Variants in ZNF410 observed in about 807,000 individuals in gnomAD.
The protein encoded by ZNF410 is zinc finger protein 410, also known as another partner for ARF 1.
Under a neutral mutation model 54.8 loss-of-function variants are expected in ZNF410, and 18 were observed. That is an observed-to-expected ratio of 0.33 (90% CI 0.23 to 0.49). The LOEUF (loss-of-function observed/expected upper bound fraction) is 0.49, where lower values mean the gene tolerates loss of function less well. ZNF410 is among the 20% of genes least tolerant of loss of function. The pLI, the probability that ZNF410 is intolerant of heterozygous loss-of-function variation, is 0.99. For synonymous variants in ZNF410, 191 were observed against 207.3 expected, an observed-to-expected ratio of 0.92 and a Z score of 0.68; for missense variants, 405 against 569.6, an observed-to-expected ratio of 0.71 and a Z score of 2.94.
At chr14:73,925,340 G>T (rs1216245705) in intron 11 of ZNF410, among the ~76,000 whole-genome samples, 2 of 151,900 alleles carry the variant, frequency 1.3e-5, no homozygotes, top group Non-Finnish European at 2.9e-5. Flanking sequence ...GAAATTTTCA[G>T]AGTACAGTGA....
chr14:73,894,040 T>G (rs943997362), intron 3 of ZNF410, 108 bp downstream of exon 3: 1 of 1,416,406 alleles, frequency 7.1e-7, no homozygotes, highest in Non-Finnish European at 9.5e-7. Flanking sequence ...TGGTGGAAAC[T>G]GTAAAAATTA....
intron 11 of ZNF410, chr14:73,924,961 G>T (rs2140328294): frequency 3.6e-6 from 1 of 277,376 alleles, no homozygotes; most frequent in Non-Finnish European, 7.1e-6. Context: ...ACAGGCGTGA[G>T]CCACTGCACC....
chr14:73,918,792 C>T lies in ZNF410; in HGVS notation c.1004-2188C>T, dbSNP rs138908280. 7.1e-3 allele frequency among the ~76,000 whole-genome samples: 1,013 copies of T among 142,324 alleles called. 7 individuals are homozygous for T. The highest frequency in any genetic ancestry group is 0.026 in the African/African-American group (990 of 38,336). 93.4% of individuals were successfully genotyped at this position (142,324 alleles called of 152,430 possible). A position where few individuals can be genotyped will look rare whatever the true frequency, so the allele number is the denominator to read the frequency against. On this transcript the variant is annotated intron_variant, in intron 8 of 11. Coordinates refer to ENST00000555044, the MANE Select transcript of ZNF410 (RefSeq NM_021188.3). ...CGGCTCACTGCAAGCTCTGCCTCCT[C>T]GGTTCACGCCATTCTTCTGCCTCAG...
chr14:73,888,229 G>C (rs1220389323), intron 1 of ZNF410: 1 of 152,122 alleles, frequency 6.6e-6, no homozygotes, highest in Non-Finnish European at 1.5e-5. Context: ...AAGAAGAACA[G>C]GTTTGGTAAG....
chr14:73,909,997 A>G (rs527861436), intron 8 of ZNF410, among the ~76,000 whole-genome samples: 14 of 152,256 alleles, frequency 9.2e-5, no homozygotes, highest in African/African-American at 3.1e-4. Flanking sequence ...ATTCCCTGCA[A>G]TTCTGTCAGT....
In ZNF410 at chr14:73,923,468, G is replaced by A. The variant is rs774125490; in HGVS notation, c.1344G>A (p.Gln448=). ...PDVTHHLVTM[Q]SGRQSYEVSV... ...TGACACATCACCTGGTGACCATGCA[G>A]TCAGGGAGGCAATCATATGAAGTTT... The change falls in exon 11 of 12, where the codon CAG becomes CAA. Residue 448 remains glutamine (Q), a synonymous_variant. Coordinates refer to ENST00000555044, the MANE Select transcript of ZNF410 (RefSeq NM_021188.3). The A allele has an allele frequency of 6.8e-6, 11 of 1,614,058 alleles. No individual in the cohort carries two copies. The South Asian group carries it at 1.1e-4, about 16-fold the overall frequency.
rs2055507498 is a variant in ZNF410, at chr14:73,907,485, C to T, written c.914-1856C>T. ...TGATGGGTGCCTGTAATCCCAGTTACTCGGGAGGCTGAGGCAGGAGAAGTG... is the reference window on the plus strand; with the variant it reads ...TGATGGGTGCCTGTAATCCCAGTTATTCGGGAGGCTGAGGCAGGAGAAGTG... On this transcript the variant is annotated intron_variant, in intron 7 of 11. Transcript: ENST00000555044. Among the ~76,000 whole-genome samples the T allele has an allele frequency of 2.0e-5, 3 of 152,014 alleles. No individual in the cohort carries two copies. The South Asian group carries it at 6.2e-4, about 32-fold the overall frequency.
chr14:73,905,968 C>CACATATATAT (rs1461702433), intron 7 of ZNF410, among the ~76,000 whole-genome samples: 153 of 78,840 alleles, frequency 1.9e-3, no homozygotes, highest in African/African-American at 5.5e-3. Flanking sequence ...CACACACACA[C>CACATATATAT]ATATATATAT....
intron 9 of ZNF410, 29 bp downstream of exon 9, chr14:73,921,134 G>C (rs777665004): frequency 2.4e-5 from 39 of 1,611,216 alleles, no homozygotes; most frequent in Non-Finnish European, 3.1e-5. Context: ...GTGGAACGCT[G>C]TACTACTTCT....
At chr14:73,908,790 TCA>T (rs2055531193) in intron 7 of ZNF410, among the ~76,000 whole-genome samples, 1 of 152,146 alleles carries the variant, frequency 6.6e-6, no homozygotes, top group South Asian at 2.1e-4. Flanking sequence ...TTTGTCTGTC[TCA>T]CACTAGTTTG....
At chr14:73,896,216 A>G in intron 3 of ZNF410, 100 bp from the exon 4 acceptor site, 1 of 803,674 alleles carries the variant, frequency 1.2e-6, no homozygotes, top group South Asian at 1.7e-5. Context: ...CTGTTGCTAT[A>G]AGGATGTTAG....
chr14:73,895,063 TC>T (rs1263978713), intron 3 of ZNF410, among the ~76,000 whole-genome samples: 1 of 152,014 alleles, frequency 6.6e-6, no homozygotes, highest in African/African-American at 2.4e-5. Context: ...GGTGGGAAGA[TC>T]ACTTGAGCCC....
Position 73,893,888 on chromosome 14 carries a change from T to C in ZNF410, c.125T>C (p.Leu42Pro). The C allele has an allele frequency of 3.1e-6, 5 of 1,613,990 alleles. No individual in the cohort carries two copies. The highest frequency in any genetic ancestry group is 3.4e-6 in the Non-Finnish European group (4 of 1,179,964). The part of the protein sequence containing the change: ...EAKDITCLSL[L>P]PVTEASECSR... The stretch of plus-strand genomic sequence containing the variant: ...AAAGATATTACTTGCTTGTCCCTCC[T>C]TCCCGTGACTGAAGCCTCAGAATGC... Residue 42 changes from leucine to proline, a missense_variant, in exon 3 of 12, where the codon CTT becomes CCT. This residue lies in a region of ZNF410 where 247 missense variants were observed against 342.8 expected (regional missense o/e 0.72). Coordinates refer to ENST00000555044, the MANE Select transcript of ZNF410 (RefSeq NM_021188.3).
intron 9 of ZNF410, 72 bp from the exon 10 acceptor site, chr14:73,921,994 C>T (rs186494635): frequency 6.4e-7 from 1 of 1,563,256 alleles, no homozygotes; most frequent in East Asian, 2.3e-5. Flanking sequence ...AGGCCAGCTT[C>T]TGTTGAAAGA....
chr14:73,894,423 CTTTTTTTTT>C (rs759584257), intron 3 of ZNF410: 1 of 532,866 alleles, frequency 1.9e-6, no homozygotes, highest in Non-Finnish European at 3.3e-6. Context: ...TACATACTTG[CTTTTTTTTT>C]TTTTTTTGAG....
chr14:73,894,277 C>T, intron 3 of ZNF410: 1 of 694,554 alleles, frequency 1.4e-6, no homozygotes, highest in Admixed American at 2.1e-5. Flanking sequence ...GGCATGAAAC[C>T]CAGGAGAAAT....
chr14:73,902,709 C>T (rs1248742900), intron 5 of ZNF410, among the ~76,000 whole-genome samples: 2 of 152,076 alleles, frequency 1.3e-5, no homozygotes, highest in East Asian at 3.9e-4. Context: ...AATTAAATGA[C>T]TATTAATTTT....
chr14:73,887,147 T>A (rs2055153606), intron 1 of ZNF410: 1 of 152,528 alleles, frequency 6.6e-6, no homozygotes, highest in Non-Finnish European at 1.5e-5. Context: ...GCTCCTTTGC[T>A]TGGTTTTGGG....
chr14:73,910,858 TC>T, intron 8 of ZNF410, among the ~76,000 whole-genome samples: 3 of 130,036 alleles, frequency 2.3e-5, no homozygotes, highest in African/African-American at 9.7e-5. Context: ...CGAGACCCTG[TC>T]TCAAAAAAAA....
Sources: gnomAD v4.1 joint callset for allele counts (sites outside exome capture counted in the v4.1 genomes callset) on GRCh38, gnomAD v4.1.1 for gene constraint, gnomAD v4.1.1 regional missense constraint, MANE v1.5 for transcripts, NCBI Gene and HGNC (gene_info 2026-07-23, HGNC 2026-07-21) for gene names.